The following TMEM163 variants were observed in gnomAD, a reference collection of about 807,000 sequenced individuals.
The protein encoded by TMEM163 is transmembrane protein 163.
In TMEM163, 17 loss-of-function variants were observed where a neutral mutation model predicts 29.3. The ratio of observed to expected loss-of-function variants is 0.58; its 90% CI spans 0.40 to 0.87. The LOEUF is 0.87. Among genes scored for constraint, TMEM163 ranks in the 40% least tolerant of loss-of-function variants. TMEM163 has a pLI of 0.00. For missense variants in TMEM163, 303 were observed against 381.5 expected, an observed-to-expected ratio of 0.79 and a Z score of 1.71; for synonymous variants, 157 against 160.6, an observed-to-expected ratio of 0.98 and a Z score of 0.17.
intron 2 of TMEM163, among the ~76,000 whole-genome samples, chr2:134,635,264 A>C (rs2104835615): frequency 6.6e-6 from 1 of 152,348 alleles, no homozygotes; most frequent in African/African-American, 2.4e-5. Context: ...TTTCCTGGTG[A>C]CAGGGACTTG....
At chr2:134,703,117 T>C (rs1239661614) in intron 2 of TMEM163, among the ~76,000 whole-genome samples, 1 of 151,698 alleles carries the variant, frequency 6.6e-6, no homozygotes, top group African/African-American at 2.4e-5. Context: ...GAGCTAGGAG[T>C]AGATGTGTTC....
intron 5 of TMEM163, among the ~76,000 whole-genome samples, chr2:134,479,964 G>C (rs1223424938): frequency 6.6e-6 from 1 of 152,186 alleles, no homozygotes; most frequent in Non-Finnish European, 1.5e-5. Flanking sequence ...CCTGTGATGT[G>C]GGTTATCATA....
intron 2 of TMEM163, among the ~76,000 whole-genome samples, chr2:134,560,147 G>A (rs1051577231): frequency 2.6e-5 from 4 of 152,198 alleles, no homozygotes; most frequent in African/African-American, 7.2e-5. Context: ...CGCATTTAAC[G>A]ATGAAACCTG....
intron 6 of TMEM163, among the ~76,000 whole-genome samples, chr2:134,461,452 C>G (rs1215848759): frequency 6.6e-6 from 1 of 152,162 alleles, no homozygotes; most frequent in Non-Finnish European, 1.5e-5. Flanking sequence ...GAAGCTGTGC[C>G]CCTCGTCCAG....
intron 2 of TMEM163, among the ~76,000 whole-genome samples, chr2:134,593,050 T>A (rs1032575141): frequency 6.6e-6 from 1 of 152,194 alleles, no homozygotes; most frequent in African/African-American, 2.4e-5. Context: ...AAGGCATTTT[T>A]AAAAAGACAG....
At chr2:134,496,218 C>A (rs544122419) in intron 5 of TMEM163, among the ~76,000 whole-genome samples, 1 of 152,090 alleles carries the variant, frequency 6.6e-6, no homozygotes, top group South Asian at 2.1e-4. Flanking sequence ...CCCACCACCA[C>A]GCCCAGCTAA....
At chr2:134,683,414 A>G (rs1173599122) in intron 2 of TMEM163, among the ~76,000 whole-genome samples, 2 of 147,658 alleles carry the variant, frequency 1.4e-5, no homozygotes, top group Non-Finnish European at 2.9e-5. Flanking sequence ...TGCTCTAAAA[A>G]AGTCTTTAAT....
chr2:134,456,781 A>G lies in TMEM163; in HGVS notation c.810-5T>C, dbSNP rs769118852. 23 of 1,613,436 alleles carry G rather than the reference A, an allele frequency of 1.4e-5. No homozygotes were observed. The South Asian group carries it at 2.1e-4, about 15-fold the overall frequency. On this transcript the variant is annotated splice_region_variant and splice_polypyrimidine_tract_variant and intron_variant, in intron 7 of 7. Transcript: ENST00000281924. ...GGCACCATGTCGATGAGGAGTCTGCAAAGACGAAGACAGACAAGGTCACCT... is the reference window on the plus strand; with the variant it reads ...GGCACCATGTCGATGAGGAGTCTGCGAAGACGAAGACAGACAAGGTCACCT...
intron 1 of TMEM163, chr2:134,713,678 A>G (rs1684976518): frequency 2.1e-6 from 1 of 468,440 alleles, no homozygotes; most frequent in African/African-American, 2.0e-5. Flanking sequence ...TGCCCACAAG[A>G]CCTTTCTGTT....
intron 5 of TMEM163, among the ~76,000 whole-genome samples, chr2:134,483,755 G>A (rs1375479060): frequency 1.3e-5 from 2 of 152,256 alleles, no homozygotes; most frequent in African/African-American, 2.4e-5. Flanking sequence ...AGACATGTAC[G>A]ACGCTCTTTT....
intron 2 of TMEM163, among the ~76,000 whole-genome samples, chr2:134,576,383 G>A (rs562126043): frequency 8.5e-5 from 13 of 152,218 alleles, no homozygotes; most frequent in African/African-American, 3.1e-4. Context: ...CCACACCTGG[G>A]GGAAAACTGT....
chr2:134,475,912 G>A (rs375702197), intron 5 of TMEM163, among the ~76,000 whole-genome samples: 15 of 152,290 alleles, frequency 9.8e-5, no homozygotes, highest in East Asian at 5.8e-4. Flanking sequence ...CAGTCATTTC[G>A]TAAAAGAGAT....
At chr2:134,595,887 T>C (rs1294678728) in intron 2 of TMEM163, among the ~76,000 whole-genome samples, 3 of 152,258 alleles carry the variant, frequency 2.0e-5, no homozygotes, top group African/African-American at 4.8e-5. Flanking sequence ...CATTTTTTCA[T>C]GTGTCTGTTG....
intron 5 of TMEM163, among the ~76,000 whole-genome samples, chr2:134,493,626 C>T (rs1171227084): frequency 6.6e-6 from 1 of 152,104 alleles, no homozygotes; most frequent in East Asian, 1.9e-4. Context: ...CCCGCCTCGG[C>T]CTCCCGAAGT....
At chr2:134,481,546 G>C (rs1470317663) in intron 5 of TMEM163, among the ~76,000 whole-genome samples, 1 of 152,146 alleles carries the variant, frequency 6.6e-6, no homozygotes, top group Non-Finnish European at 1.5e-5. Flanking sequence ...CAGCCACATG[G>C]AACTGTGAGT....
intron 6 of TMEM163, among the ~76,000 whole-genome samples, chr2:134,461,750 T>C (rs2106472553): frequency 6.6e-6 from 1 of 152,292 alleles, no homozygotes; most frequent in South Asian, 2.1e-4. Context: ...CAGCGACAAG[T>C]GAGCTGGCAG....
intron 2 of TMEM163, among the ~76,000 whole-genome samples, chr2:134,683,064 G>T (rs1684281357): frequency 6.6e-6 from 1 of 152,194 alleles, no homozygotes; most frequent in African/African-American, 2.4e-5. Flanking sequence ...TTCTGGAAAA[G>T]ACAAAACTAT....
At chr2:134,681,522 T>C (rs1026736979) in intron 2 of TMEM163, among the ~76,000 whole-genome samples, 1 of 151,722 alleles carries the variant, frequency 6.6e-6, no homozygotes, top group African/African-American at 2.4e-5. Context: ...CCCCACTCTT[T>C]CTCTTTCTCT....
intron 4 of TMEM163, among the ~76,000 whole-genome samples, chr2:134,505,408 C>T (rs1018560099): frequency 7.2e-5 from 11 of 152,166 alleles, no homozygotes; most frequent in African/African-American, 2.4e-4. Flanking sequence ...GGGGCCCTGT[C>T]CCTAGGAAGC....
Sources: allele counts gnomAD v4.1 joint callset (sites outside exome capture counted in the v4.1 genomes callset), GRCh38; gene constraint gnomAD v4.1.1; transcripts MANE v1.5; gene names NCBI Gene and HGNC (gene_info 2026-07-23, HGNC 2026-07-21).